The following LRRC1 variants were observed in gnomAD, a reference collection of about 807,000 sequenced individuals.
The protein encoded by LRRC1 is leucine-rich repeat-containing protein 1.
Under a neutral mutation model 69.9 loss-of-function variants are expected in LRRC1, and 28 were observed. The observed-to-expected ratio is 0.40, with a 90% CI of 0.30 to 0.55. The LOEUF is 0.55. LRRC1 is among the 20% of genes least tolerant of loss of function. The pLI is 0.47. For synonymous variants in LRRC1, 236 were observed against 240.2 expected, an observed-to-expected ratio of 0.98 and a Z score of 0.16; for missense variants, 498 against 609.0, an observed-to-expected ratio of 0.82 and a Z score of 1.92.
chr6:53,807,443 A>G (rs547079784), intron 1 of LRRC1, among the ~76,000 whole-genome samples: 3 of 152,200 alleles, frequency 2.0e-5, no homozygotes, highest in Non-Finnish European at 4.4e-5. Flanking sequence ...TACAAAAGCT[A>G]TAAAGAAAAC....
intron 2 of LRRC1, among the ~76,000 whole-genome samples, chr6:53,878,680 G>A (rs1441688858): frequency 6.6e-6 from 1 of 152,170 alleles, no homozygotes; most frequent in East Asian, 1.9e-4. Context: ...GTGCATCCCG[G>A]TTCCTCACAG....
At chr6:53,845,925 C>A (rs1765928685) in intron 2 of LRRC1, among the ~76,000 whole-genome samples, 1 of 152,164 alleles carries the variant, frequency 6.6e-6, no homozygotes. Context: ...ACATTCACTC[C>A]CCTCAGGCAC....
intron 2 of LRRC1, among the ~76,000 whole-genome samples, chr6:53,850,455 C>T (rs942947819): frequency 6.6e-6 from 1 of 152,146 alleles, no homozygotes; most frequent in Non-Finnish European, 1.5e-5. Flanking sequence ...TCAACAATAT[C>T]ATTAAAAATG....
At chr6:53,817,470 T>C (rs1764984442) in intron 1 of LRRC1, among the ~76,000 whole-genome samples, 1 of 152,156 alleles carries the variant, frequency 6.6e-6, no homozygotes, top group Non-Finnish European at 1.5e-5. Context: ...ATCTTAGTGA[T>C]ATTAAAATGT....
At chr6:53,882,831 A>G in intron 3 of LRRC1, 56 bp from the exon 4 acceptor site, 1 of 1,036,320 alleles carries the variant, frequency 9.6e-7, no homozygotes, top group Non-Finnish European at 1.5e-6. Flanking sequence ...TGCTTGGTAT[A>G]CACTATACAT....
chr6:53,849,687 T>G (rs1766065324), intron 2 of LRRC1, among the ~76,000 whole-genome samples: 1 of 152,230 alleles, frequency 6.6e-6, no homozygotes, highest in Non-Finnish European at 1.5e-5. Flanking sequence ...AAAGCAGTAC[T>G]AAGAACTGCA....
intron 1 of LRRC1, among the ~76,000 whole-genome samples, chr6:53,797,156 T>C (rs1764325651): frequency 6.6e-6 from 1 of 151,884 alleles, no homozygotes; most frequent in African/African-American, 2.4e-5. Flanking sequence ...CATGGGAAAT[T>C]ACATAATTTC....
At chr6:53,817,014 G>T (rs1764969959) in intron 1 of LRRC1, among the ~76,000 whole-genome samples, 1 of 152,144 alleles carries the variant, frequency 6.6e-6, no homozygotes, top group Non-Finnish European at 1.5e-5. Context: ...ACATGATATT[G>T]ATGCCCTTTT....
At chr6:53,814,160 T>A (rs1764881612) in intron 1 of LRRC1, among the ~76,000 whole-genome samples, 1 of 152,254 alleles carries the variant, frequency 6.6e-6, no homozygotes, top group African/African-American at 2.4e-5. Context: ...TTTACTTGGC[T>A]AAAGTAATGT....
chr6:53,866,358 A>T (rs560209365), intron 2 of LRRC1, among the ~76,000 whole-genome samples: 1 of 152,278 alleles, frequency 6.6e-6, no homozygotes, highest in East Asian at 1.9e-4. Flanking sequence ...TATTTAATGA[A>T]GATGCTGGCT....
chr6:53,832,919 A>G (rs1409979603), intron 1 of LRRC1, among the ~76,000 whole-genome samples: 1 of 152,186 alleles, frequency 6.6e-6, no homozygotes, highest in African/African-American at 2.4e-5. Flanking sequence ...TTAACCCTAA[A>G]ACATAGTGTT....
chr6:53,800,412 C>T (rs1245409775), intron 1 of LRRC1, among the ~76,000 whole-genome samples: 3 of 151,544 alleles, frequency 2.0e-5, no homozygotes, highest in African/African-American at 7.3e-5. Context: ...CCACCACGCC[C>T]AGCTAATTTT....
chr6:53,817,567 C>A (rs1368741644), intron 1 of LRRC1, among the ~76,000 whole-genome samples: 1 of 152,084 alleles, frequency 6.6e-6, no homozygotes, highest in East Asian at 1.9e-4. Context: ...AAACTTTGTA[C>A]CCTTAAGAAT....
intron 2 of LRRC1, among the ~76,000 whole-genome samples, chr6:53,868,269 T>G (rs1283605644): frequency 6.6e-6 from 1 of 151,354 alleles, no homozygotes; most frequent in African/African-American, 2.4e-5. Context: ...TGCCTTAGGC[T>G]GGAGTACAGT....
At position 53,923,408 on chromosome 6, in the gene LRRC1, C is replaced by T. The variant is rs937597719; in HGVS notation, c.*615C>T. The T allele has an allele frequency of 1.3e-5, 2 of 152,572 alleles. No homozygotes were observed. Among genetic ancestry groups the T allele is most frequent in the Non-Finnish European group, 2.9e-5 (2 of 68,042 alleles). The allele number at this position is 152,572 out of a possible 1,614,324, so 9.5% of individuals were successfully genotyped here. On this transcript the variant is annotated 3_prime_UTR_variant, in exon 14 of 14. Transcript: ENST00000370888. ...ACTTGTGCCTTACTGTATCCTGTGTCATGTCCAATCAGTTGTAAACAATGG... is the reference window on the plus strand; with the variant it reads ...ACTTGTGCCTTACTGTATCCTGTGTTATGTCCAATCAGTTGTAAACAATGG...
chr6:53,920,800 A>C (rs755748906), intron 13 of LRRC1, 39 bp downstream of exon 13: 2 of 1,609,872 alleles, frequency 1.2e-6, no homozygotes, highest in South Asian at 1.1e-5. Flanking sequence ...TGGAAGTTCA[A>C]AATTAAAAGA....
chr6:53,887,282 G>T (rs1421896044), intron 4 of LRRC1, among the ~76,000 whole-genome samples: 1 of 152,098 alleles, frequency 6.6e-6, no homozygotes, highest in Non-Finnish European at 1.5e-5. Flanking sequence ...TAATATTAGG[G>T]AGACAATAAA....
chr6:53,906,694 T>C lies in LRRC1; in HGVS notation c.990+2232T>C, dbSNP rs117734987. On this transcript the variant is annotated intron_variant, in intron 10 of 13. Transcript: ENST00000370888. Reference sequence around the variant, plus strand: ...TTTACTAGAACAGTTTTTCATGACGTGAAAAGTGAAAATATGAAAGTATTT... The same window carrying C: ...TTTACTAGAACAGTTTTTCATGACGCGAAAAGTGAAAATATGAAAGTATTT... Among the ~76,000 whole-genome samples the C allele has an allele frequency of 3.1e-3, 478 of 152,360 alleles. 7 individuals carry two copies. In the East Asian group the frequency reaches 0.041, roughly 13 times the overall value.
intron 4 of LRRC1, among the ~76,000 whole-genome samples, chr6:53,895,310 A>G (rs2127435267): frequency 6.6e-6 from 1 of 152,352 alleles, no homozygotes; most frequent in East Asian, 1.9e-4. Context: ...AAGGAGATGC[A>G]GGATTTTTAC....
Sources: gnomAD v4.1 joint callset for allele counts (sites outside exome capture counted in the v4.1 genomes callset) on GRCh38, gnomAD v4.1.1 for gene constraint, MANE v1.5 for transcripts, NCBI Gene and HGNC (gene_info 2026-07-23, HGNC 2026-07-21) for gene names.